RUNX2: variants seen among roughly 807,000 people sequenced by gnomAD.
The protein encoded by RUNX2 is runt-related transcription factor 2.
RUNX2 carries 10 observed loss-of-function variants against 51.7 expected under a neutral mutation model. That is an observed-to-expected ratio of 0.19 (90% CI 0.12 to 0.33). The LOEUF is 0.33. Among genes scored for constraint, RUNX2 ranks in the 10% least tolerant of loss-of-function variants. The pLI is 1.00. For missense variants in RUNX2, 562 were observed against 691.3 expected (o/e 0.81, Z 2.10); for synonymous variants, 276 against 273.6 (o/e 1.01, Z -0.09).
intron 7 of RUNX2, among the ~76,000 whole-genome samples, chr6:45,528,066 G>T (rs1464674277): frequency 2.0e-5 from 3 of 152,128 alleles, no homozygotes; most frequent in Non-Finnish European, 2.9e-5. Context: ...AATGTGTACA[G>T]GGGGCAGGGG....
Position 45,422,825 on chromosome 6 carries a change from C to A in RUNX2, c.291C>A (p.His97Gln), listed in dbSNP as rs1183896411. ...AAAVPRLRPP[H>Q]DNRTMVEIIA... is the part of the protein sequence containing the mutation. Reference sequence around the variant, plus strand: ...CAGTGCCCCGGTTGCGGCCGCCCCACGACAACCGCACCATGGTGGAGATCA... The same window carrying A: ...CAGTGCCCCGGTTGCGGCCGCCCCAAGACAACCGCACCATGGTGGAGATCA... Residue 97 changes from histidine to glutamine, a missense_variant, in exon 3 of 9, where the codon CAC becomes CAA. His to Gln is a conservative substitution (Grantham distance 24). Around this residue, in one of 5 missense-constraint regions of RUNX2, gnomAD observed 153 missense variants for 144.8 expected, o/e 1.06. Transcript: ENST00000647337. 5 of 1,604,692 alleles carry A rather than the reference C, an allele frequency of 3.1e-6. No individual in the cohort carries two copies. The South Asian group carries it at 3.3e-5, about 11-fold the overall frequency.
intron 2 of RUNX2, among the ~76,000 whole-genome samples, chr6:45,391,157 C>T (rs528183539): frequency 2.7e-4 from 41 of 152,250 alleles, no homozygotes; most frequent in African/African-American, 7.9e-4. Flanking sequence ...TTTATCCACA[C>T]GAAATTTCAT....
intron 2 of RUNX2, among the ~76,000 whole-genome samples, chr6:45,405,653 G>C (rs1272232431): frequency 1.3e-5 from 2 of 152,140 alleles, no homozygotes; most frequent in Admixed American, 6.6e-5. Flanking sequence ...GCCGGGCGGT[G>C]GTGGGCGCCT....
intron 5 of RUNX2, among the ~76,000 whole-genome samples, chr6:45,470,230 TTGAA>T (rs1799758934): frequency 6.6e-6 from 1 of 152,208 alleles, no homozygotes; most frequent in African/African-American, 2.4e-5. Flanking sequence ...GTATTTGTCT[TTGAA>T]TGTAGAGACC....
chr6:45,445,005 T>G (rs1413635093), intron 5 of RUNX2, among the ~76,000 whole-genome samples: 1 of 152,222 alleles, frequency 6.6e-6, no homozygotes, highest in Non-Finnish European at 1.5e-5. Flanking sequence ...TTTTGCTTAT[T>G]TACCAAAAGA....
intron 5 of RUNX2, among the ~76,000 whole-genome samples, chr6:45,444,862 A>G (rs1262705020): frequency 1.3e-5 from 2 of 152,020 alleles, no homozygotes; most frequent in African/African-American, 4.8e-5. Flanking sequence ...AAGGGTGGAG[A>G]GAATGGAGGG....
chr6:45,349,986 GA>G (rs1791685447), intron 2 of RUNX2, among the ~76,000 whole-genome samples: 2 of 151,880 alleles, frequency 1.3e-5, no homozygotes, highest in Non-Finnish European at 2.9e-5. Flanking sequence ...TTAGTCACAG[GA>G]AAAAAAATTA....
intron 5 of RUNX2, among the ~76,000 whole-genome samples, chr6:45,454,522 C>G (rs1799266080): frequency 6.6e-6 from 1 of 152,130 alleles, no homozygotes; most frequent in Non-Finnish European, 1.5e-5. Context: ...TAGCTGTAAA[C>G]AAAAACTTTT....
intron 5 of RUNX2, among the ~76,000 whole-genome samples, chr6:45,466,590 A>G (rs952876429): frequency 1.3e-5 from 2 of 152,218 alleles, no homozygotes; most frequent in African/African-American, 4.8e-5. Context: ...GATGGCATTG[A>G]CATCTCTTCA....
rs572264060 is a variant in RUNX2 at position 45,520,724 on chromosome 6, C to G, written c.1021+8317C>G. ...GGACACACCTCTAATGTGTACATAT[C>G]TTTCTTTTTTTTTTGAGACAGAGTC... On this transcript the variant is annotated intron_variant, in intron 7 of 8. Coordinates refer to ENST00000647337, the MANE Select transcript of RUNX2 (RefSeq NM_001024630.4). 2.0e-5 allele frequency among the ~76,000 whole-genome samples: 3 copies of G among 152,106 alleles called. No homozygotes were observed. In the South Asian group the frequency reaches 6.2e-4, roughly 32 times the overall value.
chr6:45,467,678 C>T (rs1799673838), intron 5 of RUNX2, among the ~76,000 whole-genome samples: 1 of 152,068 alleles, frequency 6.6e-6, no homozygotes, highest in Admixed American at 6.6e-5. Flanking sequence ...TCTGACTTGG[C>T]TTTCCTTTCT....
chr6:45,491,581 A>G (rs564311286), intron 5 of RUNX2, among the ~76,000 whole-genome samples: 4 of 149,514 alleles, frequency 2.7e-5, no homozygotes, highest in South Asian at 2.1e-4. Context: ...TTCCTCCATC[A>G]TGAAACAAGC....
intron 2 of RUNX2, among the ~76,000 whole-genome samples, chr6:45,406,539 C>A (rs1029930433): frequency 1.3e-5 from 2 of 152,178 alleles, no homozygotes; most frequent in Non-Finnish European, 2.9e-5. Flanking sequence ...CTCAGCCTCC[C>A]AAGTAGCTGG....
Position 45,492,121 on chromosome 6 carries a change from C to T in RUNX2, c.859+7C>T. ...GGACAGAGTCAGATTACAGGTAAGA[C>T]AGACTCATAGGTTTCACTTGCATAG... On this transcript the variant is annotated splice_region_variant and intron_variant, in intron 6 of 8. Coordinates refer to ENST00000647337, the MANE Select transcript of RUNX2 (RefSeq NM_001024630.4). The T allele has an allele frequency of 6.2e-7, 1 of 1,613,662 alleles. No homozygotes were observed. Among genetic ancestry groups the T allele is most frequent in the South Asian group, 1.1e-5 (1 of 91,074 alleles).
chr6:45,510,676 A>G (rs1398668704), intron 6 of RUNX2, among the ~76,000 whole-genome samples: 2 of 152,040 alleles, frequency 1.3e-5, no homozygotes, highest in Non-Finnish European at 2.9e-5. Flanking sequence ...AACCTATTCC[A>G]AGTGTATTAA....
chr6:45,549,091 T>C lies in RUNX2; in HGVS notation c.*1786T>C. Reference sequence around the variant, plus strand: ...TGTGTATGAATTTGAGCTAGAGTCCTTCTGTGGCATGCACTTTGACCACTC... The same window carrying C: ...TGTGTATGAATTTGAGCTAGAGTCCCTCTGTGGCATGCACTTTGACCACTC... On this transcript the variant is annotated 3_prime_UTR_variant, in exon 9 of 9. Coordinates refer to ENST00000647337, the MANE Select transcript of RUNX2 (RefSeq NM_001024630.4). 1 of 398,542 alleles carries C rather than the reference T, an allele frequency of 2.5e-6. No homozygotes were observed. The highest frequency in any genetic ancestry group is 4.4e-6 in the Non-Finnish European group (1 of 226,096). The allele number at this position is 398,542 out of a possible 1,614,324, so 24.7% of individuals were successfully genotyped here.
intron 7 of RUNX2, among the ~76,000 whole-genome samples, chr6:45,540,935 C>G (rs781301399): frequency 6.6e-6 from 1 of 152,150 alleles, no homozygotes; most frequent in Non-Finnish European, 1.5e-5. Context: ...AATGTGAGGT[C>G]AAGTGATGCA....
intron 6 of RUNX2, among the ~76,000 whole-genome samples, chr6:45,509,819 A>G (rs1801088930): frequency 6.6e-6 from 1 of 152,086 alleles, no homozygotes; most frequent in Non-Finnish European, 1.5e-5. Context: ...TCTTGTTTTT[A>G]GGCAGGGGGC....
At chr6:45,515,807 C>T (rs192851752) in intron 7 of RUNX2, among the ~76,000 whole-genome samples, 1 of 152,212 alleles carries the variant, frequency 6.6e-6, no homozygotes, top group Admixed American at 6.5e-5. Context: ...AATAACGATT[C>T]AATTATGTCA....
Sources: gnomAD v4.1 joint callset for allele counts (sites outside exome capture counted in the v4.1 genomes callset) on GRCh38, gnomAD v4.1.1 for gene constraint, gnomAD v4.1.1 regional missense constraint, MANE v1.5 for transcripts, NCBI Gene and HGNC (gene_info 2026-07-23, HGNC 2026-07-21) for gene names.